SYT14: variants seen among roughly 807,000 people sequenced by gnomAD.
The protein encoded by SYT14 is synaptotagmin 14, also known as synaptotagmin-14.
Under a neutral mutation model 74.2 loss-of-function variants are expected in SYT14, and 32 were observed. The observed-to-expected ratio is 0.43, with a 90% CI of 0.33 to 0.58. The LOEUF (loss-of-function observed/expected upper bound fraction) is 0.58. Among genes scored for constraint, SYT14 ranks in the 20% least tolerant of loss-of-function variants. The probability of loss-of-function intolerance (pLI) is 0.05; values close to 1 mark genes in which losing one functional copy is unlikely to be tolerated. For missense variants in SYT14, 791 were observed against 981.8 expected, an observed-to-expected ratio of 0.81 and a Z score of 2.60; for synonymous variants, 298 against 337.7, an observed-to-expected ratio of 0.88 and a Z score of 1.29.
chr1:210,090,542 A>G (rs1226053614), intron 5 of SYT14, among the ~76,000 whole-genome samples: 1 of 152,222 alleles, frequency 6.6e-6, no homozygotes, highest in African/African-American at 2.4e-5. Flanking sequence ...GCTATGCAAT[A>G]TGCAGATGGT....
intron 7 of SYT14, among the ~76,000 whole-genome samples, chr1:210,123,181 G>A (rs1288241581): frequency 1.3e-5 from 2 of 152,114 alleles, no homozygotes; most frequent in African/African-American, 4.8e-5. Flanking sequence ...TATTCTTCCT[G>A]TAATCTCCAC....
intron 7 of SYT14, among the ~76,000 whole-genome samples, chr1:210,127,722 A>G (rs1558208036): frequency 6.6e-6 from 1 of 152,142 alleles, no homozygotes; most frequent in Non-Finnish European, 1.5e-5. Flanking sequence ...ATAATATTTT[A>G]TTTTTAAAAT....
At position 209,953,474 on chromosome 1, in the gene SYT14, C is replaced by A. The variant is rs377062419; in HGVS notation, c.-486+718C>A. Among the ~76,000 whole-genome samples the A allele has an allele frequency of 1.3e-3, 196 of 152,292 alleles. 7 individuals carry two copies. In the South Asian group the frequency reaches 0.039, roughly 30 times the overall value. Reference sequence around the variant, plus strand: ...AAACTTGGGGCACTTTCTTTTCTTGCATCTCTCTTCAGACTCACTTGCCCC... The same window carrying A: ...AAACTTGGGGCACTTTCTTTTCTTGAATCTCTCTTCAGACTCACTTGCCCC... On this transcript the variant is annotated intron_variant, in intron 2 of 9. Coordinates refer to ENST00000637265, the Ensembl canonical transcript of SYT14.
chr1:209,943,274 C>A (rs1014881306), intron 1 of SYT14, among the ~76,000 whole-genome samples: 1 of 151,794 alleles, frequency 6.6e-6, no homozygotes, highest in African/African-American at 2.4e-5. Flanking sequence ...TAGGCCGAGG[C>A]GGGCAGATCA....
chr1:209,940,728 C>G (rs1476395996), intron 1 of SYT14, among the ~76,000 whole-genome samples: 1 of 152,166 alleles, frequency 6.6e-6, no homozygotes, highest in Non-Finnish European at 1.5e-5. Context: ...TATGATATCC[C>G]TTCTGCCATT....
chr1:210,031,000 C>T (rs2080520845), intron 5 of SYT14, among the ~76,000 whole-genome samples: 1 of 151,768 alleles, frequency 6.6e-6, no homozygotes, highest in African/African-American at 2.4e-5. Context: ...AATGATGGCT[C>T]ACTGCAACCT....
At chr1:210,129,984 T>C (rs1182805804) in intron 7 of SYT14, among the ~76,000 whole-genome samples, 1 of 152,232 alleles carries the variant, frequency 6.6e-6, no homozygotes, top group Admixed American at 6.5e-5. Flanking sequence ...CTTACTTTCA[T>C]ATCTTCTTCT....
chr1:210,046,185 A>G (rs967551972), intron 5 of SYT14, among the ~76,000 whole-genome samples: 1 of 152,196 alleles, frequency 6.6e-6, no homozygotes. Flanking sequence ...AGTCTGGCCA[A>G]CATTTAGGTG....
intron 4 of SYT14, among the ~76,000 whole-genome samples, chr1:210,019,582 C>T (rs2080262292): frequency 6.6e-6 from 1 of 152,070 alleles, no homozygotes; most frequent in Admixed American, 6.6e-5. Context: ...TTGGTGATGG[C>T]GTTACCCATT....
At chr1:210,142,941 ATC>A (rs2082948178) in intron 7 of SYT14, among the ~76,000 whole-genome samples, 3 of 152,222 alleles carry the variant, frequency 2.0e-5, no homozygotes, top group South Asian at 2.1e-4. Context: ...ATGAACATGA[ATC>A]TCTGTTTTAT....
At chr1:210,023,092 C>G (rs1425380692) in intron 5 of SYT14, among the ~76,000 whole-genome samples, 1 of 152,128 alleles carries the variant, frequency 6.6e-6, no homozygotes, top group Non-Finnish European at 1.5e-5. Context: ...TTTCTACCCT[C>G]AATTATTTGA....
chr1:210,029,245 T>C (rs1312022403), intron 5 of SYT14, among the ~76,000 whole-genome samples: 1 of 150,622 alleles, frequency 6.6e-6, no homozygotes, highest in African/African-American at 2.5e-5. Flanking sequence ...ATTGATAGTA[T>C]CTTTTGATAG....
chr1:210,123,393 G>T (rs541308606), intron 7 of SYT14, among the ~76,000 whole-genome samples: 1 of 152,196 alleles, frequency 6.6e-6, no homozygotes, highest in Non-Finnish European at 1.5e-5. Flanking sequence ...CACAGAAGGA[G>T]AGAACTAATC....
intron 1 of SYT14, among the ~76,000 whole-genome samples, chr1:209,943,553 C>T (rs1049209709): frequency 6.9e-6 from 1 of 144,472 alleles, no homozygotes; most frequent in Non-Finnish European, 1.5e-5. Context: ...TGCAGCAGTG[C>T]ATGCCAATGG....
chr1:210,020,455 AT>A (rs909417163), intron 4 of SYT14, among the ~76,000 whole-genome samples: 2 of 152,158 alleles, frequency 1.3e-5, no homozygotes, highest in Non-Finnish European at 2.9e-5. Context: ...AGTTTGATAT[AT>A]TTTGCCAAAT....
chr1:209,982,953 G>A (rs1196982128), intron 2 of SYT14, among the ~76,000 whole-genome samples: 1 of 152,006 alleles, frequency 6.6e-6, no homozygotes, highest in African/African-American at 2.4e-5. Flanking sequence ...CAGATGTTGT[G>A]GAGTGTCTTT....
At chr1:209,996,465 T>C (rs1480221463) in intron 2 of SYT14, among the ~76,000 whole-genome samples, 2 of 151,770 alleles carry the variant, frequency 1.3e-5, no homozygotes, top group Non-Finnish European at 2.9e-5. Flanking sequence ...TAATAAAAAC[T>C]CTACTAACCA....
chr1:210,054,900 T>C (rs1558157175), intron 5 of SYT14, among the ~76,000 whole-genome samples: 1 of 152,204 alleles, frequency 6.6e-6, no homozygotes, highest in Non-Finnish European at 1.5e-5. Flanking sequence ...TATCCCTGTT[T>C]CCTCTTATGC....
At chr1:209,956,154 C>A (rs1016033584) in intron 2 of SYT14, among the ~76,000 whole-genome samples, 3 of 152,056 alleles carry the variant, frequency 2.0e-5, no homozygotes, top group African/African-American at 7.2e-5. Context: ...ACCACCCTTC[C>A]CGCTATATTG....
Sources: allele counts gnomAD v4.1 joint callset (sites outside exome capture counted in the v4.1 genomes callset), GRCh38; gene constraint gnomAD v4.1.1; transcripts MANE v1.5; gene names NCBI Gene and HGNC (gene_info 2026-07-23, HGNC 2026-07-21).